Variants in BRCA1 observed in about 807,000 individuals in gnomAD.
BRCA1 encodes BRCA1 DNA repair associated, also known as breast cancer type 1 susceptibility protein.
A neutral mutation model predicts 173.7 loss-of-function variants in BRCA1; 140 were observed. The ratio of observed to expected loss-of-function variants is 0.81; its 90% confidence interval spans 0.70 to 0.93. The LOEUF (loss-of-function observed/expected upper bound fraction) is 0.93, where lower values mean the gene tolerates loss of function less well. Among genes scored for constraint, BRCA1 ranks in the 40% least tolerant of loss-of-function variants. The pLI is 0.00. For synonymous variants in BRCA1, 662 were observed against 756.0 expected (o/e 0.88, Z 2.04); for missense variants, 1,983 against 2,172.5 (o/e 0.91, Z 1.73).
chr17:43,065,489 A>C (rs1409533385), intron 16 of BRCA1, among the ~76,000 whole-genome samples: 2 of 152,088 alleles, frequency 1.3e-5, no homozygotes, highest in Non-Finnish European at 2.9e-5. Context: ...ACTGACATGG[A>C]AAAACCCTGT....
upstream of BRCA1, among the ~76,000 whole-genome samples, chr17:43,129,243 A>G (rs1275788976): frequency 6.6e-6 from 1 of 152,236 alleles, no homozygotes; most frequent in Non-Finnish European, 1.5e-5. Flanking sequence ...ACACACGTTC[A>G]AGATTAATGC....
chr17:43,159,574 T>C (rs9303330), intron 1 of BRCA1: 210,477 of 210,624 alleles, frequency 1, 105,165 homozygotes, highest in East Asian at 1. Context: ...CGGGCAGAGA[T>C]GCTCCTCACC....
chr17:43,086,991 C>T (rs1189636941), intron 11 of BRCA1, among the ~76,000 whole-genome samples: 1 of 152,158 alleles, frequency 6.6e-6, no homozygotes, highest in African/African-American at 2.4e-5. Flanking sequence ...TAAGCCTTCT[C>T]TAATTGTAGT....
rs981296594 is a variant in BRCA1 at position 43,045,054 on chromosome 17, T to C, written c.*624A>G. On this transcript the variant is annotated 3_prime_UTR_variant, in exon 23 of 23. Transcript: ENST00000357654. ...CCTGACCTCCAGTGATCTGCCCACC[T>C]TGGCCTCCCAAAGTGCTGGGATTAC... 1 of 514,760 alleles carries C rather than the reference T, an allele frequency of 1.9e-6. No individual in the cohort carries two copies. Among genetic ancestry groups the C allele is most frequent in the Non-Finnish European group, 3.8e-6 (1 of 264,088 alleles). 31.9% of individuals were successfully genotyped at this position (514,760 alleles called of 1,614,324 possible).
upstream of BRCA1, among the ~76,000 whole-genome samples, chr17:43,127,745 T>G (rs141664632): frequency 1.3e-3 from 191 of 152,086 alleles, no homozygotes; most frequent in African/African-American, 4.5e-3. Flanking sequence ...GCTGCCCCGC[T>G]GGGTGCCAGT....
chr17:43,082,652 A>C, intron 11 of BRCA1, 77 bp from the exon 12 acceptor site: 1 of 1,502,764 alleles, frequency 6.7e-7, no homozygotes, highest in Middle Eastern at 1.8e-4. Context: ...ATATCATACA[A>C]ATTAATTTTA....
At chr17:43,078,186 C>T (rs1015334756) in intron 12 of BRCA1, among the ~76,000 whole-genome samples, 5 of 152,070 alleles carry the variant, frequency 3.3e-5, no homozygotes, top group Admixed American at 6.5e-5. Context: ...CAGGTTCAAG[C>T]GATTCTCCTG....
chr17:43,053,487 C>A (rs1385506516), intron 19 of BRCA1, among the ~76,000 whole-genome samples: 2 of 151,590 alleles, frequency 1.3e-5, no homozygotes, highest in Non-Finnish European at 2.9e-5. Flanking sequence ...ACAGTGAAAA[C>A]CCGTCTCTAC....
rs756361151 is a variant in BRCA1, at chr17:43,047,737, G to A, written c.5407-34C>T. 8.1e-6 allele frequency: 13 copies of A among 1,609,512 alleles called. No homozygotes were observed. Among genetic ancestry groups the A allele is most frequent in the Non-Finnish European group, 1.1e-5 (13 of 1,175,858 alleles). On this transcript the variant is annotated intron_variant, in intron 21 of 22. Coordinates refer to ENST00000357654, the MANE Select transcript of BRCA1 (RefSeq NM_007294.4). ...CCAGGAAGGAAAGAGCATTCAAAGT[G>A]TCAAAGTAGGACTACTGGAACTGTC...
At chr17:43,122,974 A>AT (rs2055649072) in intron 2 of BRCA1, among the ~76,000 whole-genome samples, 1 of 151,602 alleles carries the variant, frequency 6.6e-6, no homozygotes, top group Non-Finnish European at 1.5e-5. Flanking sequence ...GAAGAATGGC[A>AT]TGAACCCGGG....
intron 3 of BRCA1, among the ~76,000 whole-genome samples, chr17:43,107,048 T>A (rs933183555): frequency 6.8e-6 from 1 of 147,950 alleles, no homozygotes; most frequent in Admixed American, 6.8e-5. Context: ...TCAACAATAA[T>A]AAATACCAAG....
intron 20 of BRCA1, chr17:43,050,188 T>C (rs1175795805): frequency 1.0e-5 from 4 of 398,398 alleles, no homozygotes; most frequent in African/African-American, 2.1e-5. Context: ...TGGGTAGCTT[T>C]TGCTGTGAAA....
chr17:43,114,202 G>C (rs2055163147), intron 3 of BRCA1, among the ~76,000 whole-genome samples: 1 of 152,166 alleles, frequency 6.6e-6, no homozygotes, highest in Non-Finnish European at 1.5e-5. Flanking sequence ...CAAAGTGCTG[G>C]GGTTATGGGC....
intron 2 of BRCA1, among the ~76,000 whole-genome samples, chr17:43,118,594 A>C (rs1403245465): frequency 6.6e-6 from 1 of 151,752 alleles, no homozygotes; most frequent in Non-Finnish European, 1.5e-5. Context: ...CCATCTTTTT[A>C]ATTTTTAATG....
At chr17:43,128,178 T>A (rs906512057), upstream of BRCA1, among the ~76,000 whole-genome samples, 1 of 133,684 alleles carries the variant, frequency 7.5e-6, no homozygotes, top group African/African-American at 2.6e-5. Flanking sequence ...AGCATTTATC[T>A]GCTGGTAACA....
intron 1 of BRCA1, chr17:43,164,668 G>C (rs573499774): frequency 6.6e-6 from 1 of 152,138 alleles, no homozygotes; most frequent in South Asian, 2.1e-4. Context: ...CTGGTGTGAC[G>C]AGTCCATCCT....
chr17:43,167,576 C>T (rs974385199), intron 1 of BRCA1: 3 of 152,056 alleles, frequency 2.0e-5, no homozygotes, highest in African/African-American at 7.2e-5. Context: ...ACTACCAGGC[C>T]CAGGGTGTGG....
At chr17:43,048,981 G>T in intron 21 of BRCA1, 140 bp downstream of exon 21, 1 of 769,830 alleles carries the variant, frequency 1.3e-6, no homozygotes, top group Non-Finnish European at 2.3e-6. Flanking sequence ...CTTACAGATG[G>T]AGTCTTTTGG....
chr17:43,101,326 A>G (rs933790459), intron 6 of BRCA1, among the ~76,000 whole-genome samples: 1 of 150,328 alleles, frequency 6.7e-6, no homozygotes, highest in African/African-American at 2.5e-5. Context: ...CCTCCCAAGG[A>G]GCTGGGACTA....
Sources: allele counts gnomAD v4.1 joint callset (sites outside exome capture counted in the v4.1 genomes callset), GRCh38; gene constraint gnomAD v4.1.1; transcripts MANE v1.5; gene names NCBI Gene and HGNC (gene_info 2026-07-23, HGNC 2026-07-21).